Variants in NPFFR2 observed in about 807,000 individuals in gnomAD.
NPFFR2 encodes neuropeptide FF receptor 2, also known as G-protein coupled receptor 74.
Under a neutral mutation model 13.1 loss-of-function variants are expected in NPFFR2, and 15 were observed. That is an observed-to-expected ratio of 1.15 (90% CI 0.77 to 1.76). The LOEUF (loss-of-function observed/expected upper bound fraction) is 1.76. NPFFR2 is among the 40% of genes most tolerant of loss of function. The pLI is 0.00. For missense variants in NPFFR2, 572 were observed against 503.5 expected (o/e 1.14, Z -1.30); for synonymous variants, 190 against 175.7 (o/e 1.08, Z -0.65).
chr4:72,147,535 A>G lies in NPFFR2; in HGVS notation c.986A>G (p.Asn329Ser). 6.2e-7 allele frequency: 1 copy of G among 1,614,168 alleles called. No individual in the cohort carries two copies. Among genetic ancestry groups the G allele is most frequent in the Non-Finnish European group, 8.5e-7 (1 of 1,180,024 alleles). ...HWLAFGNSSV[N>S]PIIYGFFNEN... ...CTGGCATTCGGCAACAGCAGTGTCA[A>G]TCCCATCATTTATGGTTTCTTCAAC... Residue 329 changes from asparagine to serine, a missense_variant, in exon 4 of 4, where the codon AAT (asparagine) becomes AGT (serine). Transcript: ENST00000308744.
At chr4:72,139,679 A>G in intron 3 of NPFFR2, among the ~76,000 whole-genome samples, 1 of 152,084 alleles carries the variant, frequency 6.6e-6, no homozygotes, top group East Asian at 1.9e-4. Context: ...TATAGTTTGA[A>G]GTTGGGTAGC....
intron 1 of NPFFR2, among the ~76,000 whole-genome samples, chr4:72,048,643 T>C (rs1367179940): frequency 6.6e-6 from 1 of 152,102 alleles, no homozygotes; most frequent in Non-Finnish European, 1.5e-5. Flanking sequence ...GTGAGAAAAT[T>C]ATATTTTAAA....
At chr4:72,122,751 G>T (rs1419650675) in intron 1 of NPFFR2, among the ~76,000 whole-genome samples, 1 of 152,054 alleles carries the variant, frequency 6.6e-6, no homozygotes, top group African/African-American at 2.4e-5. Flanking sequence ...ACAATTAATA[G>T]ATCTTCCTGC....
intron 1 of NPFFR2, among the ~76,000 whole-genome samples, chr4:72,073,918 C>CA (rs1170282900): frequency 2.0e-5 from 3 of 148,312 alleles, no homozygotes; most frequent in Non-Finnish European, 3.0e-5. Flanking sequence ...TATTTCACTA[C>CA]AAAAAAATTA....
At chr4:72,046,778 G>A (rs1294596858) in intron 1 of NPFFR2, among the ~76,000 whole-genome samples, 2 of 152,178 alleles carry the variant, frequency 1.3e-5, no homozygotes, top group Admixed American at 6.5e-5. Context: ...GAGGAGAGCT[G>A]TAGGGAAACA....
chr4:72,127,004 C>G (rs1722064320), intron 1 of NPFFR2, among the ~76,000 whole-genome samples: 1 of 151,984 alleles, frequency 6.6e-6, no homozygotes, highest in Non-Finnish European at 1.5e-5. Flanking sequence ...GGGAAGCTGT[C>G]TACATTAAGA....
At chr4:72,127,364 T>C (rs1275975605) in intron 1 of NPFFR2, among the ~76,000 whole-genome samples, 11 of 101,808 alleles carry the variant, frequency 1.1e-4, no homozygotes, top group East Asian at 2.4e-4. Flanking sequence ...TCTTTTCTTT[T>C]TTTTTTTTTT....
intron 1 of NPFFR2, among the ~76,000 whole-genome samples, chr4:72,070,743 GA>G (rs1720228292): frequency 6.6e-6 from 1 of 151,648 alleles, no homozygotes; most frequent in East Asian, 1.9e-4. Context: ...CACTTTATAG[GA>G]AAAAAAAGTA....
chr4:72,148,005 A>T lies in NPFFR2; in HGVS notation c.*193A>T, dbSNP rs375586970. 340 of 498,438 alleles carry T rather than the reference A, an allele frequency of 6.8e-4. 2 individuals are homozygous for T. The highest frequency in any genetic ancestry group is 6.3e-3 in the African/African-American group (318 of 50,186). 30.9% of individuals were successfully genotyped at this position (498,438 alleles called of 1,614,324 possible). A position where few individuals can be genotyped will look rare whatever the true frequency, so the allele number is the denominator to read the frequency against. On this transcript the variant is annotated 3_prime_UTR_variant, in exon 4 of 4. Coordinates refer to ENST00000308744, the MANE Select transcript of NPFFR2 (RefSeq NM_004885.3). ...ATAAACAATCTTATGTTGTATAAAA[A>T]TACGTAGAGTGACTTAGACATGTTT...
intron 1 of NPFFR2, among the ~76,000 whole-genome samples, chr4:72,088,083 CGA>C (rs908887818): frequency 2.0e-5 from 3 of 151,678 alleles, no homozygotes; most frequent in Non-Finnish European, 2.9e-5. Context: ...CCTCAAATTC[CGA>C]GAGAGAGAGA....
At chr4:72,061,352 G>A (rs1360668541) in intron 1 of NPFFR2, among the ~76,000 whole-genome samples, 7 of 152,132 alleles carry the variant, frequency 4.6e-5, no homozygotes, top group African/African-American at 9.7e-5. Flanking sequence ...CCAGCCCTGC[G>A]ATACAGGAAT....
chr4:72,071,987 A>C (rs1185360651), intron 1 of NPFFR2, among the ~76,000 whole-genome samples: 1 of 152,176 alleles, frequency 6.6e-6, no homozygotes. Context: ...GCACTGGCTC[A>C]GAAAAGGCCA....
At chr4:72,084,894 A>G (rs28657055) in intron 1 of NPFFR2, among the ~76,000 whole-genome samples, 3 of 152,046 alleles carry the variant, frequency 2.0e-5, no homozygotes, top group African/African-American at 7.2e-5. Flanking sequence ...TTCTTCTTTC[A>G]CTTTCTCATT....
At chr4:72,058,688 T>C (rs1719833651) in intron 1 of NPFFR2, among the ~76,000 whole-genome samples, 1 of 152,082 alleles carries the variant, frequency 6.6e-6, no homozygotes, top group Non-Finnish European at 1.5e-5. Flanking sequence ...ACTTAGGGTT[T>C]CATCTAACAT....
chr4:72,044,154 T>A (rs1345761716), intron 1 of NPFFR2, among the ~76,000 whole-genome samples: 1 of 152,178 alleles, frequency 6.6e-6, no homozygotes, highest in Admixed American at 6.5e-5. Flanking sequence ...CCTTCCACCA[T>A]GATTGTAAGT....
At chr4:72,052,768 C>CATTTACAATCT (rs1414349519) in intron 1 of NPFFR2, among the ~76,000 whole-genome samples, 1 of 151,930 alleles carries the variant, frequency 6.6e-6, no homozygotes, top group Non-Finnish European at 1.5e-5. Flanking sequence ...TAATAAGAAA[C>CATTTACAATCT]ATTTACAATC....
intron 3 of NPFFR2, among the ~76,000 whole-genome samples, chr4:72,141,072 A>G (rs186340574): frequency 7.0e-4 from 107 of 151,920 alleles, no homozygotes; most frequent in Middle Eastern, 3.4e-3. Flanking sequence ...ATTCTCTGAT[A>G]GTAGTTTGTA....
At chr4:72,110,658 G>T (rs1236480919) in intron 1 of NPFFR2, among the ~76,000 whole-genome samples, 4 of 151,896 alleles carry the variant, frequency 2.6e-5, no homozygotes, top group Non-Finnish European at 4.4e-5. Context: ...TCTTTTAAAT[G>T]GTTTATTAGG....
At chr4:72,123,148 T>C (rs1213096675) in intron 1 of NPFFR2, among the ~76,000 whole-genome samples, 5 of 152,044 alleles carry the variant, frequency 3.3e-5, no homozygotes, top group African/African-American at 4.8e-5. Context: ...TCTGTGCAAA[T>C]AAACTAGAAA....
Sources: allele counts gnomAD v4.1 joint callset (sites outside exome capture counted in the v4.1 genomes callset), GRCh38; gene constraint gnomAD v4.1.1; transcripts MANE v1.5; gene names NCBI Gene and HGNC (gene_info 2026-07-23, HGNC 2026-07-21).